Variants in LIN28B observed in about 807,000 individuals in gnomAD.
The protein encoded by LIN28B is lin-28 RNA binding posttranscriptional regulator B, also known as protein lin-28 homolog B.
A neutral mutation model predicts 21.9 loss-of-function variants in LIN28B; 5 were observed. That is an observed-to-expected ratio of 0.23 (90% CI 0.12 to 0.48). The LOEUF is 0.48. LIN28B is among the 20% of genes least tolerant of loss of function. LIN28B has a pLI of 0.98. For synonymous variants in LIN28B, 109 were observed against 111.3 expected (o/e 0.98, Z 0.13); for missense variants, 245 against 310.5 (o/e 0.79, Z 1.58).
At chr6:105,021,099 C>T (rs146683767) in intron 2 of LIN28B, among the ~76,000 whole-genome samples, 1 of 152,222 alleles carries the variant, frequency 6.6e-6, no homozygotes, top group African/African-American at 2.4e-5. Context: ...TTTTTAGCAT[C>T]CACTTATTAG....
intron 2 of LIN28B, among the ~76,000 whole-genome samples, chr6:104,977,668 A>G (rs976883966): frequency 6.6e-6 from 1 of 152,144 alleles, no homozygotes; most frequent in African/African-American, 2.4e-5. Context: ...CCCAGGTTCA[A>G]GTGATTCTCC....
intron 2 of LIN28B, among the ~76,000 whole-genome samples, chr6:105,022,487 T>C (rs183377622): frequency 1.3e-5 from 2 of 152,294 alleles, no homozygotes; most frequent in East Asian, 3.9e-4. Flanking sequence ...GATCTAATGC[T>C]AACAGACTGA....
chr6:104,971,353 C>T (rs909571932), intron 2 of LIN28B, among the ~76,000 whole-genome samples: 4 of 151,934 alleles, frequency 2.6e-5, no homozygotes, highest in African/African-American at 9.7e-5. Flanking sequence ...AATTTTCAGT[C>T]TTATAGATCT....
intron 2 of LIN28B, among the ~76,000 whole-genome samples, chr6:104,995,380 A>T (rs555412016): frequency 1.3e-5 from 2 of 152,310 alleles, no homozygotes; most frequent in South Asian, 4.2e-4. Flanking sequence ...AGTGGATCGG[A>T]GAGACAGAAG....
intron 3 of LIN28B, among the ~76,000 whole-genome samples, chr6:105,042,984 G>C (rs1236703385): frequency 2.0e-5 from 3 of 152,214 alleles, no homozygotes; most frequent in South Asian, 2.1e-4. Context: ...TGCTATGGGA[G>C]ATGGGGGTTG....
Position 104,964,857 on chromosome 6 carries a change from C to G in LIN28B, c.198+6571C>G, listed in dbSNP as rs552082502. On this transcript the variant is annotated intron_variant, in intron 2 of 3. Coordinates refer to ENST00000345080, the MANE Select transcript of LIN28B (RefSeq NM_001004317.4). ...TCTTTTCCAATATCTAAATATTTGACAATTTGGAAATATTTTCTAAATAAG... is the reference window on the plus strand; with the variant it reads ...TCTTTTCCAATATCTAAATATTTGAGAATTTGGAAATATTTTCTAAATAAG... Among the ~76,000 whole-genome samples, 3 of 152,156 alleles carry G rather than the reference C, an allele frequency of 2.0e-5. No homozygotes were observed. In the East Asian group the frequency reaches 5.8e-4, roughly 29 times the overall value.
chr6:104,958,365 C>A, intron 2 of LIN28B, 79 bp downstream of exon 2: 3 of 1,122,972 alleles, frequency 2.7e-6, no homozygotes, highest in Non-Finnish European at 3.8e-6. Context: ...AATAGACGTA[C>A]GATAAGATGT....
chr6:105,033,803 A>G (rs1362530290), intron 3 of LIN28B, among the ~76,000 whole-genome samples: 1 of 151,826 alleles, frequency 6.6e-6, no homozygotes, highest in Non-Finnish European at 1.5e-5. Flanking sequence ...ATTTACTATG[A>G]AGAAAAAGAG....
chr6:105,060,201 C>T (rs1772099752), intron 3 of LIN28B, among the ~76,000 whole-genome samples: 1 of 152,060 alleles, frequency 6.6e-6, no homozygotes, highest in Non-Finnish European at 1.5e-5. Flanking sequence ...CCGTGCCCAG[C>T]CTTTTACTCT....
At chr6:104,960,130 TTACA>T (rs1769700219) in intron 2 of LIN28B, among the ~76,000 whole-genome samples, 1 of 152,156 alleles carries the variant, frequency 6.6e-6, no homozygotes, top group Non-Finnish European at 1.5e-5. Context: ...TAATATTCAG[TTACA>T]TACAGTAGTA....
intron 3 of LIN28B, among the ~76,000 whole-genome samples, chr6:105,027,384 CATTATTTG>C: frequency 6.6e-6 from 1 of 151,848 alleles, no homozygotes. Flanking sequence ...GTTTTTTTCA[CATTATTTG>C]ATTACTTTGG....
At chr6:105,046,166 C>T (rs946339194) in intron 3 of LIN28B, among the ~76,000 whole-genome samples, 1 of 152,132 alleles carries the variant, frequency 6.6e-6, no homozygotes, top group Non-Finnish European at 1.5e-5. Context: ...TCCGTCCCCC[C>T]TCCCTCCACC....
chr6:105,073,734 C>T (rs1159468709), intron 3 of LIN28B, among the ~76,000 whole-genome samples: 7 of 152,060 alleles, frequency 4.6e-5, no homozygotes, highest in African/African-American at 7.2e-5. Flanking sequence ...TCTGTGGTAT[C>T]GCCCCTCTTC....
intron 3 of LIN28B, among the ~76,000 whole-genome samples, chr6:105,032,256 CA>C (rs1771440945): frequency 6.6e-6 from 1 of 152,106 alleles, no homozygotes; most frequent in Non-Finnish European, 1.5e-5. Flanking sequence ...TGTGAAGATT[CA>C]TTTTCAGTTT....
At chr6:105,000,055 A>C (rs1463711117) in intron 2 of LIN28B, among the ~76,000 whole-genome samples, 2 of 152,104 alleles carry the variant, frequency 1.3e-5, no homozygotes, top group Non-Finnish European at 2.9e-5. Context: ...TTCTGCTTCA[A>C]CCAGAATGTT....
intron 3 of LIN28B, among the ~76,000 whole-genome samples, chr6:105,030,613 T>TTG (rs1169946026): frequency 7.5e-6 from 1 of 133,564 alleles, no homozygotes; most frequent in Admixed American, 7.7e-5. Flanking sequence ...TTTTTTTTTT[T>TTG]GGAGACAGAG....
Position 105,043,152 on chromosome 6 carries a change from C to T in LIN28B, c.383+16670C>T, listed in dbSNP as rs546635520. ...ATGAAGAAAACTGAAACTGGCCAGA[C>T]GTTATGGCTCATGCCTATAATCCCA... On this transcript the variant is annotated intron_variant, in intron 3 of 3. Transcript: ENST00000345080. 4.6e-5 allele frequency among the ~76,000 whole-genome samples: 7 copies of T among 151,942 alleles called. No individual in the cohort carries two copies. In the East Asian group the frequency reaches 1.2e-3, roughly 25 times the overall value.
chr6:105,003,903 G>A (rs1265844715), intron 2 of LIN28B, among the ~76,000 whole-genome samples: 1 of 152,096 alleles, frequency 6.6e-6, no homozygotes, highest in Admixed American at 6.6e-5. Context: ...GTTCTCTAGA[G>A]GGACAACACT....
rs570013303 is a variant in LIN28B, at chr6:105,055,736, G to GGTT, written c.384-22665_384-22663dup. On this transcript the variant is annotated intron_variant, in intron 3 of 3. Transcript: ENST00000345080. Reference sequence around the variant, plus strand: ...TGTAGTTTTCAGCTCTAATATTCCTGGTTGTTGTTGTTGTTTTAATAGTCT... The same window carrying GGTT: ...TGTAGTTTTCAGCTCTAATATTCCTGGTTGTTGTTGTTGTTGTTTTAATAGTCT... Among the ~76,000 whole-genome samples, 6 of 151,872 alleles carry GGTT rather than the reference G, an allele frequency of 4.0e-5. No individual in the cohort carries two copies. In the South Asian group the frequency reaches 1.2e-3, roughly 32 times the overall value.
Sources: allele counts gnomAD v4.1 joint callset (sites outside exome capture counted in the v4.1 genomes callset), GRCh38; gene constraint gnomAD v4.1.1; transcripts MANE v1.5; gene names NCBI Gene and HGNC (gene_info 2026-07-23, HGNC 2026-07-21).